NRXN1: variants seen among roughly 807,000 people sequenced by gnomAD.
NRXN1 encodes the protein neurexin 1, also known as neurexin-1.
In NRXN1, 39 loss-of-function variants were observed where a neutral mutation model predicts 150.9. The observed-to-expected ratio is 0.26, with a 90% confidence interval of 0.20 to 0.34. NRXN1 has a LOEUF of 0.34. NRXN1 is among the 10% of genes least tolerant of loss of function. The probability of loss-of-function intolerance (pLI) is 1.00; values close to 1 mark genes in which losing one functional copy is unlikely to be tolerated. For missense variants in NRXN1, 1,815 were observed against 1,949.9 expected (o/e 0.93, Z 1.30); for synonymous variants, 924 against 757.0 (o/e 1.22, Z -3.62).
At chr2:50,165,659 G>C (rs1223597033) in intron 18 of NRXN1, among the ~76,000 whole-genome samples, 1 of 152,086 alleles carries the variant, frequency 6.6e-6, no homozygotes. Context: ...AGCCAGCACT[G>C]TCAACTCATT....
At chr2:49,994,084 CCT>C (rs965661483) in intron 21 of NRXN1, among the ~76,000 whole-genome samples, 9 of 151,878 alleles carry the variant, frequency 5.9e-5, no homozygotes, top group Admixed American at 5.9e-4. Flanking sequence ...CACCGGGGAT[CCT>C]CTGTTTCCCT....
chr2:50,510,764 T>G (rs2105037395), intron 12 of NRXN1, among the ~76,000 whole-genome samples: 2 of 152,272 alleles, frequency 1.3e-5, no homozygotes, highest in Middle Eastern at 6.8e-3. Context: ...ATTTTGAAAT[T>G]TTCTATTTTC....
intron 17 of NRXN1, among the ~76,000 whole-genome samples, chr2:50,252,950 T>A (rs988228030): frequency 6.6e-6 from 1 of 152,194 alleles, no homozygotes; most frequent in Non-Finnish European, 1.5e-5. Flanking sequence ...CTGTAAAGAA[T>A]GTCAATGGTA....
In NRXN1 at chr2:50,795,805, T is replaced by C. The variant is rs1706739160; in HGVS notation, c.832+126064A>G. ...CTTTGTGTATCCCTATGGTGCATGG[T>C]CTTAATTATATTATTATACTATTTG... On this transcript the variant is annotated intron_variant, in intron 5 of 22. Transcript: ENST00000401669. Among the ~76,000 whole-genome samples the C allele has an allele frequency of 2.6e-5, 4 of 152,066 alleles. No individual in the cohort carries two copies. The South Asian group carries it at 6.2e-4, about 24-fold the overall frequency.
intron 3 of NRXN1, among the ~76,000 whole-genome samples, chr2:50,925,616 A>G (rs907101698): frequency 7.2e-5 from 11 of 151,942 alleles, no homozygotes; most frequent in Admixed American, 2.0e-4. Context: ...ATGAAACTAC[A>G]AAGAAATATT....
intron 17 of NRXN1, among the ~76,000 whole-genome samples, chr2:50,289,400 T>C (rs2072616182): frequency 6.6e-6 from 1 of 152,072 alleles, no homozygotes; most frequent in African/African-American, 2.4e-5. Context: ...CTTATGCAAA[T>C]TTTAGTAGTA....
intron 22 of NRXN1, among the ~76,000 whole-genome samples, chr2:49,924,844 T>C (rs1668810457): frequency 6.6e-6 from 1 of 152,218 alleles, no homozygotes; most frequent in African/African-American, 2.4e-5. Context: ...ACATTAAAAT[T>C]TTAATAACCA....
At chr2:50,142,077 G>A (rs1707351609) in intron 18 of NRXN1, among the ~76,000 whole-genome samples, 1 of 152,012 alleles carries the variant, frequency 6.6e-6, no homozygotes, top group Admixed American at 6.6e-5. Context: ...CAGGTAAATG[G>A]ATAAAGAAGT....
chr2:50,535,302 CA>C (rs1304054581), intron 10 of NRXN1, among the ~76,000 whole-genome samples: 1 of 152,146 alleles, frequency 6.6e-6, no homozygotes, highest in Non-Finnish European at 1.5e-5. Flanking sequence ...GGGAGAAAAC[CA>C]GTTTCAACTT....
intron 17 of NRXN1, among the ~76,000 whole-genome samples, chr2:50,254,519 T>C (rs1225538772): frequency 6.6e-6 from 1 of 151,872 alleles, no homozygotes; most frequent in African/African-American, 2.4e-5. Flanking sequence ...GGTGTCAATT[T>C]GAGCTCTTCC....
intron 19 of NRXN1, among the ~76,000 whole-genome samples, chr2:50,077,259 T>C (rs1264035911): frequency 6.6e-6 from 1 of 152,202 alleles, no homozygotes; most frequent in East Asian, 1.9e-4. Flanking sequence ...CAAAAGGTTC[T>C]ATGAATGTTT....
At chr2:50,357,805 A>G (rs1330242317) in intron 17 of NRXN1, among the ~76,000 whole-genome samples, 3 of 152,222 alleles carry the variant, frequency 2.0e-5, no homozygotes, top group Admixed American at 2.0e-4. Flanking sequence ...CCAAATAGGA[A>G]CAGCTCTGGT....
chr2:50,719,309 T>C (rs1054424920), intron 5 of NRXN1, among the ~76,000 whole-genome samples: 2 of 151,774 alleles, frequency 1.3e-5, no homozygotes, highest in African/African-American at 2.4e-5. Context: ...GTATCATCAG[T>C]ATATTCAAGC....
chr2:50,779,856 G>T (rs1175553462), intron 5 of NRXN1, among the ~76,000 whole-genome samples: 1 of 152,162 alleles, frequency 6.6e-6, no homozygotes, highest in East Asian at 1.9e-4. Context: ...ACAGTAGAAT[G>T]ATTTATAAAC....
At chr2:50,814,367 CCTT>C (rs1325696284) in intron 5 of NRXN1, among the ~76,000 whole-genome samples, 2 of 152,138 alleles carry the variant, frequency 1.3e-5, no homozygotes, top group Non-Finnish European at 2.9e-5. Flanking sequence ...AATATCTAGT[CCTT>C]CACCCCTTAC....
intron 17 of NRXN1, among the ~76,000 whole-genome samples, chr2:50,355,233 G>A (rs1272376725): frequency 6.8e-6 from 1 of 146,624 alleles, no homozygotes; most frequent in Non-Finnish European, 1.5e-5. Context: ...AGAAATTCAG[G>A]ATATATAAAT....
At chr2:49,950,173 C>T (rs898692615) in intron 21 of NRXN1, among the ~76,000 whole-genome samples, 38 of 151,830 alleles carry the variant, frequency 2.5e-4, no homozygotes, top group Non-Finnish European at 5.9e-5. Flanking sequence ...TATATGATTC[C>T]CAAATTGCGG....
intron 5 of NRXN1, among the ~76,000 whole-genome samples, chr2:50,843,742 CT>C (rs1673214459): frequency 2.6e-5 from 4 of 152,050 alleles, no homozygotes; most frequent in Non-Finnish European, 5.9e-5. Context: ...AGGTAAACAA[CT>C]TGATGGTTAA....
At chr2:50,816,884 T>C (rs1364551548) in intron 5 of NRXN1, among the ~76,000 whole-genome samples, 1 of 152,122 alleles carries the variant, frequency 6.6e-6, no homozygotes, top group Admixed American at 6.6e-5. Flanking sequence ...CCAGGAATGA[T>C]TTATGTATTT....
Sources: allele counts gnomAD v4.1 joint callset (sites outside exome capture counted in the v4.1 genomes callset), GRCh38; gene constraint gnomAD v4.1.1; transcripts MANE v1.5; gene names NCBI Gene and HGNC (gene_info 2026-07-23, HGNC 2026-07-21).